DNAH6: variants seen among roughly 807,000 people sequenced by gnomAD.
DNAH6 encodes axonemal beta dynein heavy chain 6.
Under a neutral mutation model 491.4 loss-of-function variants are expected in DNAH6, and 340 were observed. That is an observed-to-expected ratio of 0.69 (90% CI 0.63 to 0.76). DNAH6 has a LOEUF of 0.76. Among genes scored for constraint, DNAH6 ranks in the 30% least tolerant of loss-of-function variants. The pLI, the probability that DNAH6 is intolerant of heterozygous loss-of-function variation, is 0.00. For missense variants in DNAH6, 4,443 were observed against 4,972.2 expected (o/e 0.89, Z 3.20); for synonymous variants, 1,603 against 1,686.1 (o/e 0.95, Z 1.21).
rs1445017068 is a variant in DNAH6 at position 84,677,100 on chromosome 2, A to G, written c.6708A>G (p.Pro2236=). The G allele has an allele frequency of 3.9e-6, 6 of 1,551,712 alleles. No homozygotes were observed. Among genetic ancestry groups the G allele is most frequent in the Non-Finnish European group, 4.4e-6 (5 of 1,146,966 alleles). ...FIRHFSMLCL[P]MPSEHSLKQI... is the part of the protein sequence containing the mutation. ...GACACTTCAGCATGCTGTGCCTCCC[A>G]ATGCCCTCAGAGCACAGTCTGAAAC... Residue 2236 remains proline (P), a synonymous_variant, in exon 41 of 77, where the codon CCA becomes CCG. Coordinates refer to ENST00000389394, the MANE Select transcript of DNAH6 (RefSeq NM_001370.2).
At chr2:84,558,571 C>T (rs886291302) in intron 11 of DNAH6, among the ~76,000 whole-genome samples, 1 of 152,148 alleles carries the variant, frequency 6.6e-6, no homozygotes, top group Non-Finnish European at 1.5e-5. Flanking sequence ...GACTCACCAG[C>T]CAACACAATT....
chr2:84,523,883 G>T (rs746234522), intron 2 of DNAH6, among the ~76,000 whole-genome samples: 8 of 151,596 alleles, frequency 5.3e-5, no homozygotes, highest in Non-Finnish European at 8.9e-5. Context: ...TCATGTGGTT[G>T]ACTTTAGAAG....
At chr2:84,685,495 T>C (rs1694178815) in intron 43 of DNAH6, 23 bp downstream of exon 43, 1 of 1,366,360 alleles carries the variant, frequency 7.3e-7, no homozygotes, top group Non-Finnish European at 9.6e-7. Context: ...CTTTACCTAT[T>C]CTTTTTTTTA....
the DNAH6 span, among the ~76,000 whole-genome samples, chr2:84,466,653 A>C: frequency 6.6e-6 from 1 of 152,208 alleles, no homozygotes; most frequent in South Asian, 2.1e-4. Context: ...TCTCTATGAG[A>C]GTTCTGAAAA....
intron 4 of DNAH6, among the ~76,000 whole-genome samples, chr2:84,529,635 C>T (rs1365015380): frequency 3.9e-5 from 6 of 152,016 alleles, no homozygotes; most frequent in African/African-American, 9.7e-5. Flanking sequence ...GTGTTGTTGC[C>T]GCACATTTGT....
intron 64 of DNAH6, among the ~76,000 whole-genome samples, chr2:84,770,146 T>C (rs1675471266): frequency 6.6e-6 from 1 of 152,196 alleles, no homozygotes; most frequent in African/African-American, 2.4e-5. Flanking sequence ...ACTGATTGAA[T>C]AGAGACATAC....
intron 36 of DNAH6, among the ~76,000 whole-genome samples, chr2:84,658,692 G>C (rs538146631): frequency 4.6e-5 from 7 of 152,020 alleles, no homozygotes; most frequent in Non-Finnish European, 1.5e-5. Context: ...TTCTCTTACA[G>C]TCTACAACAT....
the DNAH6 span, among the ~76,000 whole-genome samples, chr2:84,474,045 C>T: frequency 3.3e-5 from 5 of 151,894 alleles, no homozygotes; most frequent in Admixed American, 6.6e-5. Flanking sequence ...TTATTTATGG[C>T]GGGAACAGTA....
chr2:84,670,594 A>G, intron 39 of DNAH6, 119 bp downstream of exon 39: 1 of 773,300 alleles, frequency 1.3e-6, no homozygotes, highest in African/African-American at 1.8e-5. Context: ...TTACTTGTAA[A>G]GGTGATTCTG....
At chr2:84,708,558 A>C (rs539500335) in intron 54 of DNAH6, among the ~76,000 whole-genome samples, 21 of 149,330 alleles carry the variant, frequency 1.4e-4, no homozygotes, top group African/African-American at 4.9e-4. Flanking sequence ...GGAGGAAGGA[A>C]GGAAAGAAAG....
At chr2:84,692,720 C>G (rs1399169953) in intron 45 of DNAH6, among the ~76,000 whole-genome samples, 1 of 152,124 alleles carries the variant, frequency 6.6e-6, no homozygotes, top group Non-Finnish European at 1.5e-5. Flanking sequence ...TATCCCTTCC[C>G]CCTTCCCAGG....
chr2:84,720,364 C>T (rs1243685108), intron 59 of DNAH6, among the ~76,000 whole-genome samples: 6 of 146,400 alleles, frequency 4.1e-5, no homozygotes, highest in South Asian at 2.2e-4. Flanking sequence ...CTGCAAGCTC[C>T]GCCTCCCGGG....
chr2:84,579,428 T>C (rs1682793595), intron 13 of DNAH6, 99 bp from the exon 14 acceptor site: 1 of 1,328,078 alleles, frequency 7.5e-7, no homozygotes, highest in South Asian at 1.3e-5. Context: ...CTGCTTCCAA[T>C]GCCTGCTGAT....
rs59567535 is a variant in DNAH6, at chr2:84,705,173, G to C, written c.8466-313G>C. Among the ~76,000 whole-genome samples, 492 of 152,296 alleles carry C rather than the reference G, an allele frequency of 3.2e-3. 4 individuals carry two copies. The highest frequency in any genetic ancestry group is 0.011 in the African/African-American group (469 of 41,558). On this transcript the variant is annotated intron_variant, in intron 51 of 76. Transcript: ENST00000389394. ...TTTAAGGGTGGGAACTATGATAAAG[G>C]AGGTAAAATGTGAGTGCCTGCGGCG...
rs1558778843 is a variant in DNAH6, at chr2:84,601,039, C to CATTATTATTATAG, written c.2869-3300_2869-3299insATTATTATTATAG. Among the ~76,000 whole-genome samples, 414 of 142,276 alleles carry CATTATTATTATAG rather than the reference C, an allele frequency of 2.9e-3. 10 individuals are homozygous for CATTATTATTATAG. The highest frequency in any genetic ancestry group is 0.01 in the African/African-American group (380 of 36,618). 93.3% of individuals were successfully genotyped at this position (142,276 alleles called of 152,430 possible). A position where few individuals can be genotyped will look rare whatever the true frequency, so the allele number is the denominator to read the frequency against. ...TTATAATAATAATGTTATTATTATA[C>CATTATTATTATAG]TATAATAATAATGTTATTATTATAC... is the stretch of plus-strand genomic sequence containing the variant. On this transcript the variant is annotated intron_variant, in intron 18 of 76. Transcript: ENST00000389394.
intron 70 of DNAH6, among the ~76,000 whole-genome samples, chr2:84,804,025 G>A (rs991028519): frequency 3.3e-5 from 5 of 152,002 alleles, no homozygotes; most frequent in Admixed American, 6.6e-5. Flanking sequence ...TGGCCAACAT[G>A]GTGAAACCCT....
intron 12 of DNAH6, among the ~76,000 whole-genome samples, chr2:84,573,826 G>A (rs1026197698): frequency 3.3e-5 from 5 of 151,964 alleles, no homozygotes; most frequent in South Asian, 2.1e-4. Flanking sequence ...CTTCCTAATC[G>A]CTTATCATTT....
At chr2:84,658,664 C>A (rs570373316) in intron 36 of DNAH6, among the ~76,000 whole-genome samples, 190 bp downstream of exon 36, 2 of 152,076 alleles carry the variant, frequency 1.3e-5, no homozygotes, top group South Asian at 4.2e-4. Flanking sequence ...ATAGTTTATT[C>A]CTCTACTCAG....
chr2:84,817,678 TTAAAG>T (rs2105355107), intron 76 of DNAH6, among the ~76,000 whole-genome samples: 1 of 152,316 alleles, frequency 6.6e-6, no homozygotes, highest in South Asian at 2.1e-4. Context: ...CTGAGTAACT[TTAAAG>T]AAAAGTTTAT....
Sources: allele counts gnomAD v4.1 joint callset (sites outside exome capture counted in the v4.1 genomes callset), GRCh38; gene constraint gnomAD v4.1.1; transcripts MANE v1.5; gene names NCBI Gene and HGNC (gene_info 2026-07-23, HGNC 2026-07-21).